PPL: variants seen among roughly 807,000 people sequenced by gnomAD.
PPL encodes 190 kDa paraneoplastic pemphigus antigen.
In PPL, 198 loss-of-function variants were observed where a neutral mutation model predicts 194.4. The ratio of observed to expected loss-of-function variants is 1.02; its 90% CI spans 0.91 to 1.15. PPL has a LOEUF of 1.15. PPL is among the 50% of genes most tolerant of loss of function. PPL has a pLI of 0.00. For synonymous variants in PPL, 1,220 were observed against 972.4 expected (o/e 1.25, Z -4.74); for missense variants, 2,885 against 2,294.8 (o/e 1.26, Z -5.25).
Position 4,883,207 on chromosome 16 carries a change from C to A in PPL, c.*177G>T. On this transcript the variant is annotated 3_prime_UTR_variant, in exon 22 of 22. Transcript: ENST00000345988. The surrounding 1 kb of genome is among the most constrained non-coding windows in gnomAD (Gnocchi z 4.8). ...GAATGATGGTTGGGACGAGAGTTGCCTGTCTTCAGCCAGTGCCTGTCTCAT... is the reference window on the plus strand; with the variant it reads ...GAATGATGGTTGGGACGAGAGTTGCATGTCTTCAGCCAGTGCCTGTCTCAT... The A allele has an allele frequency of 1.3e-6, 1 of 771,576 alleles. No individual in the cohort carries two copies. The highest frequency in any genetic ancestry group is 2.7e-5 in the Admixed American group (1 of 36,812). The allele number at this position is 771,576 out of a possible 1,614,324, so 47.8% of individuals were successfully genotyped here. A position where few individuals can be genotyped will look rare whatever the true frequency, so the allele number is the denominator to read the frequency against.
Position 4,899,031 on chromosome 16 carries a change from G to A in PPL, c.858C>T (p.Pro286=), listed in dbSNP as rs778760384. Reference sequence around the variant, plus strand: ...CATGAACCTCAATGGAGTTCCTCCCGGGGTGCTCGGCCGCCAGCAGCTGGT... The same window carrying A: ...CATGAACCTCAATGGAGTTCCTCCCAGGGTGCTCGGCCGCCAGCAGCTGGT... The part of the protein sequence containing the change: ...EGDQLLAAEH[P]GRNSIEAHME... The change falls in exon 8 of 22, where the codon CCC becomes CCT. Residue 286 remains proline, a synonymous_variant. Transcript: ENST00000345988. The A allele has an allele frequency of 2.0e-5, 33 of 1,613,476 alleles. No homozygotes were observed. Among genetic ancestry groups the A allele is most frequent in the African/African-American group, 2.7e-5 (2 of 74,908 alleles).
At chr16:4,886,768 G>A (rs1397878748) in intron 21 of PPL, among the ~76,000 whole-genome samples, 1 of 152,120 alleles carries the variant, frequency 6.6e-6, no homozygotes, top group Non-Finnish European at 1.5e-5. Context: ...ACAAGCATGC[G>A]CCACGACGCC....
At chr16:4,897,616 G>C in intron 9 of PPL, 59 bp downstream of exon 9, 1 of 1,381,244 alleles carries the variant, frequency 7.2e-7, no homozygotes, top group Middle Eastern at 2.4e-4. Flanking sequence ...GGTAGGCACT[G>C]AGCGCTCTCA....
intron 1 of PPL, among the ~76,000 whole-genome samples, chr16:4,928,082 T>C (rs1479561845): frequency 1.3e-5 from 2 of 152,224 alleles, no homozygotes; most frequent in African/African-American, 4.8e-5. Flanking sequence ...AAGCCAACTT[T>C]GGTGCCCCAA....
intron 4 of PPL, among the ~76,000 whole-genome samples, chr16:4,901,894 C>A (rs895901498): frequency 5.9e-5 from 9 of 152,010 alleles, no homozygotes; most frequent in African/African-American, 2.2e-4. Flanking sequence ...GAGCCATGAT[C>A]ATGCCACTGC....
chr16:4,934,890 G>C (rs1461976488), intron 1 of PPL, among the ~76,000 whole-genome samples: 1 of 152,222 alleles, frequency 6.6e-6, no homozygotes, highest in Admixed American at 6.5e-5. Context: ...GGGGCAGAGG[G>C]ATGCACTGGG....
rs567101364 is a variant in PPL, at chr16:4,915,602, C to T, written c.63-4653G>A. On this transcript the variant is annotated intron_variant, in intron 1 of 21. Coordinates refer to ENST00000345988, the MANE Select transcript of PPL (RefSeq NM_002705.5). Reference sequence around the variant, plus strand: ...ACAGCTGGTGAACCGCGATTCTCCCCGCAAGCAATCTCACTCCAGAGGCAT... The same window carrying T: ...ACAGCTGGTGAACCGCGATTCTCCCTGCAAGCAATCTCACTCCAGAGGCAT... Among the ~76,000 whole-genome samples, 18 of 152,320 alleles carry T rather than the reference C, an allele frequency of 1.2e-4. No individual in the cohort carries two copies. In the East Asian group the frequency reaches 1.3e-3, roughly 11 times the overall value.
rs768627483 is a variant in PPL at position 4,903,911 on chromosome 16, G to T, written c.292C>A (p.Pro98Thr). ...DAAIAKHMKH[P>T]QGDMIAEDIR... ...TCCTCGGCGATCATGTCCCCCTGTG[G>T]GTGCTTCATGTGCTTGGCAATGGCC... The change falls in exon 3 of 22, where the codon CCA (proline) becomes ACA (threonine). Residue 98 changes from proline (P) to threonine (T), a missense_variant. By Grantham distance (38) the Pro-to-Thr change is conservative. Transcript: ENST00000345988. 2 of 1,614,070 alleles carry T rather than the reference G, an allele frequency of 1.2e-6. No homozygotes were observed. Among genetic ancestry groups the T allele is most frequent in the East Asian group, 4.5e-5 (2 of 44,876 alleles).
At chr16:4,929,171 C>T (rs918280587) in intron 1 of PPL, among the ~76,000 whole-genome samples, 1 of 151,800 alleles carries the variant, frequency 6.6e-6, no homozygotes, top group African/African-American at 2.4e-5. Context: ...TAAGCTAGCA[C>T]CCAACCTCAA....
Position 4,884,815 on chromosome 16 carries a change from T to C in PPL, c.3840A>G (p.Lys1280=), listed in dbSNP as rs2088183216. Residue 1280 remains lysine, a synonymous_variant, in exon 22 of 22, where the codon AAA becomes AAG. Transcript: ENST00000345988. This position sits in a 1 kb window ranked among gnomAD's most constrained non-coding sequence, Gnocchi z 5.7. ...TGGTCTGGACCTGGGGTTTGGTGTC[T>C]TTCAGGGCCTGGATTTCCTTTTTCA... ...YQLKKEIQAL[K]DTKPQVQTKE... is the part of the protein sequence containing the mutation. 6.2e-7 allele frequency: 1 copy of C among 1,613,988 alleles called. No homozygotes were observed. Among genetic ancestry groups the C allele is most frequent in the South Asian group, 1.1e-5 (1 of 91,080 alleles).
Position 4,890,277 on chromosome 16 carries a change from G to A in PPL, c.2220C>T (p.Asp740=). 6.2e-7 allele frequency: 1 copy of A among 1,614,190 alleles called. No individual in the cohort carries two copies. Among genetic ancestry groups the A allele is most frequent in the Non-Finnish European group, 8.5e-7 (1 of 1,180,048 alleles). The change falls in exon 18 of 22, where the codon GAC becomes GAT. Residue 740 remains aspartate, a synonymous_variant. Coordinates refer to ENST00000345988, the MANE Select transcript of PPL (RefSeq NM_002705.5). ...TGCTGACTAGGAACTGCAGCACGTG[G>A]TCATGGCCGCGGTGGAAGTGCTCGT... ...AAYEHFHRGH[D]HVLQFLVSIP... is the part of the protein sequence containing the mutation.
intron 18 of PPL, 125 bp from the exon 19 acceptor site, chr16:4,889,186 G>A (rs2088268858): frequency 7.2e-6 from 5 of 697,012 alleles, no homozygotes; most frequent in Non-Finnish European, 9.9e-6. Flanking sequence ...TATGATGAAT[G>A]GCTCCCTTGT....
intron 6 of PPL, among the ~76,000 whole-genome samples, chr16:4,900,295 G>A (rs1369915460): frequency 6.6e-6 from 1 of 152,090 alleles, no homozygotes; most frequent in Non-Finnish European, 1.5e-5. Context: ...AAAGAAATGA[G>A]CAGGACAGGC....
chr16:4,894,708 T>C (rs2088387131), intron 11 of PPL, 90 bp from the exon 12 acceptor site: 2 of 1,468,046 alleles, frequency 1.4e-6, no homozygotes, highest in Non-Finnish European at 1.8e-6. Context: ...CTCTTGGACC[T>C]GGGGAGCCCC....
intron 1 of PPL, among the ~76,000 whole-genome samples, chr16:4,936,581 T>A (rs1482929881): frequency 6.6e-6 from 1 of 152,182 alleles, no homozygotes; most frequent in Non-Finnish European, 1.5e-5. Context: ...GACCCCGCCT[T>A]GAGTGCCCGG....
chr16:4,911,249 C>T (rs1358174463), intron 1 of PPL, among the ~76,000 whole-genome samples: 1 of 146,444 alleles, frequency 6.8e-6, no homozygotes, highest in Non-Finnish European at 1.5e-5. Flanking sequence ...GCAACCTCCA[C>T]TTCCTGGGTT....
intron 19 of PPL, 69 bp from the exon 20 acceptor site, chr16:4,888,287 C>T (rs2088251611): frequency 8.9e-7 from 1 of 1,126,056 alleles, no homozygotes; most frequent in East Asian, 2.4e-5. Context: ...TGTTCCTGTA[C>T]CCCTTCAGGC....
chr16:4,901,189 C>CT, intron 4 of PPL, 100 bp from the exon 5 acceptor site: 1 of 1,345,328 alleles, frequency 7.4e-7, no homozygotes, highest in Non-Finnish European at 1.0e-6. Context: ...ATGGTGCTCT[C>CT]TTTTTCACGG....
chr16:4,907,308 T>TCTCACA (rs911179349), intron 2 of PPL, among the ~76,000 whole-genome samples: 1 of 145,636 alleles, frequency 6.9e-6, no homozygotes, highest in African/African-American at 2.6e-5. Flanking sequence ...ATATCTAATC[T>TCTCACA]CACACACACA....
Sources: allele counts gnomAD v4.1 joint callset (sites outside exome capture counted in the v4.1 genomes callset), GRCh38; gene constraint gnomAD v4.1.1; non-coding constraint Gnocchi (gnomAD v3.1); transcripts MANE v1.5; gene names NCBI Gene and HGNC (gene_info 2026-07-23, HGNC 2026-07-21).